MIPOL1: variants seen among roughly 807,000 people sequenced by gnomAD.
MIPOL1 encodes the protein mirror-image polydactyly gene 1 protein.
In MIPOL1, 57 loss-of-function variants were observed where a neutral mutation model predicts 60.9. That is an observed-to-expected ratio of 0.94 (90% CI 0.76 to 1.17). The LOEUF (loss-of-function observed/expected upper bound fraction) is 1.17. Ranked by LOEUF, MIPOL1 falls within the 50% of genes most tolerant of loss-of-function variation. MIPOL1 has a pLI of 0.00. For missense variants in MIPOL1, 551 were observed against 511.6 expected (o/e 1.08, Z -0.74); for synonymous variants, 179 against 168.8 (o/e 1.06, Z -0.47).
rs113424141 is a variant in MIPOL1 at position 37,224,982 on chromosome 14, C to G, written c.-198-22121C>G. On this transcript the variant is annotated intron_variant, in intron 1 of 12. Coordinates refer to ENST00000684589, the MANE Select transcript of MIPOL1 (RefSeq NM_001388067.1). ...AAACAAAGGAGCTACAGGCCCCATG[C>G]AAGCCCAAAATCCAGTGGGGCAGTC... Among the ~76,000 whole-genome samples the G allele has an allele frequency of 5.8e-4, 89 of 152,300 alleles. 1 individual carries two copies. Among genetic ancestry groups the G allele is most frequent in the African/African-American group, 2.1e-3 (87 of 41,554 alleles).
At chr14:37,221,485 T>G (rs145821304) in intron 1 of MIPOL1, among the ~76,000 whole-genome samples, 1 of 152,220 alleles carries the variant, frequency 6.6e-6, no homozygotes, top group East Asian at 1.9e-4. Context: ...GACTGGATAA[T>G]TTATGAAGAA....
intron 11 of MIPOL1, among the ~76,000 whole-genome samples, chr14:37,498,348 A>C (rs189321030): frequency 4.4e-4 from 67 of 152,332 alleles, no homozygotes; most frequent in Admixed American, 2.6e-3. Flanking sequence ...TAATGTTTTA[A>C]ATATAAAGAA....
chr14:37,506,123 C>T (rs924570922), intron 12 of MIPOL1: 2 of 152,200 alleles, frequency 1.3e-5, no homozygotes, highest in East Asian at 1.9e-4. Flanking sequence ...AATAGAAGTA[C>T]ATTCCATGCT....
In MIPOL1 at chr14:37,546,945, AC is replaced by A; in HGVS notation, c.1305del (p.Thr437ProfsTer2). The A allele has an allele frequency of 6.2e-7, 1 of 1,612,180 alleles. No homozygotes were observed. Among genetic ancestry groups the A allele is most frequent in the Admixed American group, 1.7e-5 (1 of 59,878 alleles). On this transcript the variant is annotated frameshift_variant, in exon 13 of 13. Transcript: ENST00000684589. LOFTEE classifies it high-confidence loss of function. Reference protein sequence around the residue: ...LVDVLRKKVGTGTMRTVI With the variant: ...LVDVLRKKVGXGTMRTVI ...GGATGTACTGAGGAAGAAGGTTGGA[AC>A]CGGGACCATGAGGACAGTGATCTGA...
chr14:37,369,373 A>G (rs2092573483), intron 9 of MIPOL1, 144 bp from the exon 10 acceptor site: 2 of 451,346 alleles, frequency 4.4e-6, no homozygotes, highest in East Asian at 3.3e-5. Flanking sequence ...TGTATTTAAC[A>G]TTACTTTTAC....
At chr14:37,470,294 G>C (rs1330543103) in intron 11 of MIPOL1, among the ~76,000 whole-genome samples, 1 of 152,046 alleles carries the variant, frequency 6.6e-6, no homozygotes, top group African/African-American at 2.4e-5. Context: ...TAGTTATATA[G>C]ATGATCAAGT....
intron 5 of MIPOL1, among the ~76,000 whole-genome samples, chr14:37,269,930 C>A (rs935301218): frequency 2.0e-5 from 3 of 152,052 alleles, no homozygotes; most frequent in Non-Finnish European, 2.9e-5. Flanking sequence ...TGGGTTCAAG[C>A]AATTCTCCTG....
At chr14:37,479,185 A>G (rs2094823354) in intron 11 of MIPOL1, among the ~76,000 whole-genome samples, 1 of 152,176 alleles carries the variant, frequency 6.6e-6, no homozygotes, top group African/African-American at 2.4e-5. Flanking sequence ...ACAACACTTT[A>G]GCCCAAATGG....
intron 11 of MIPOL1, among the ~76,000 whole-genome samples, chr14:37,480,126 C>T (rs2094840280): frequency 6.6e-6 from 1 of 151,968 alleles, no homozygotes. Context: ...AGAACTAATC[C>T]TTCTCTAATC....
Position 37,247,175 on chromosome 14 carries a change from A to G in MIPOL1, c.-126A>G, listed in dbSNP as rs1462492159. ...AATCAACATATTTAGAGAAAATTGGAAAAGGAGAAGCTTACTACAGCTTTA... is the reference window on the plus strand; with the variant it reads ...AATCAACATATTTAGAGAAAATTGGGAAAGGAGAAGCTTACTACAGCTTTA... On this transcript the variant is annotated 5_prime_UTR_variant, in exon 2 of 13. Transcript: ENST00000684589. 6.6e-6 allele frequency: 1 copy of G among 152,638 alleles called. No homozygotes were observed. Among genetic ancestry groups the G allele is most frequent in the African/African-American group, 2.4e-5 (1 of 41,568 alleles). 9.5% of individuals were successfully genotyped at this position (152,638 alleles called of 1,614,324 possible). A position where few individuals can be genotyped will look rare whatever the true frequency, so the allele number is the denominator to read the frequency against.
chr14:37,204,073 C>T (rs765142003), intron 1 of MIPOL1, among the ~76,000 whole-genome samples: 10 of 151,980 alleles, frequency 6.6e-5, no homozygotes, highest in South Asian at 2.1e-4. Flanking sequence ...TGAGCCACTG[C>T]GCCCAGCCCC....
chr14:37,336,446 A>G (rs1044452767), intron 9 of MIPOL1, among the ~76,000 whole-genome samples: 3 of 150,426 alleles, frequency 2.0e-5, no homozygotes, highest in Admixed American at 6.6e-5. Flanking sequence ...TTTTCCAGCT[A>G]TGTCTATTCC....
chr14:37,424,587 CCA>C (rs1440682160), intron 11 of MIPOL1, among the ~76,000 whole-genome samples: 1 of 152,146 alleles, frequency 6.6e-6, no homozygotes, highest in Non-Finnish European at 1.5e-5. Flanking sequence ...TTGTTTTAAG[CCA>C]CACAGTTTGT....
chr14:37,416,299 G>A (rs1219734903), intron 10 of MIPOL1, among the ~76,000 whole-genome samples: 1 of 152,108 alleles, frequency 6.6e-6, no homozygotes, highest in African/African-American at 2.4e-5. Context: ...AGATTCTTGA[G>A]GAATATGACA....
chr14:37,233,807 C>T (rs1311338258), intron 1 of MIPOL1, among the ~76,000 whole-genome samples: 1 of 152,176 alleles, frequency 6.6e-6, no homozygotes, highest in East Asian at 1.9e-4. Flanking sequence ...TCTCAAAACA[C>T]TTTCATAATA....
At chr14:37,460,088 A>G (rs1048036208) in intron 11 of MIPOL1, among the ~76,000 whole-genome samples, 5 of 15,776 alleles carry the variant, frequency 3.2e-4, no homozygotes, top group Admixed American at 7.9e-4. Context: ...AAATAATAGT[A>G]AAATAATAAT....
chr14:37,438,143 C>G (rs540272020), intron 11 of MIPOL1, among the ~76,000 whole-genome samples: 25 of 152,216 alleles, frequency 1.6e-4, no homozygotes, highest in Non-Finnish European at 2.8e-4. Context: ...CACACAGCAA[C>G]ATTTTAGTGT....
chr14:37,294,165 C>G (rs879686112), intron 7 of MIPOL1, among the ~76,000 whole-genome samples: 2 of 152,192 alleles, frequency 1.3e-5, no homozygotes, highest in African/African-American at 2.4e-5. Flanking sequence ...ATCTGCTGTT[C>G]TGCAGCCACC....
At chr14:37,429,736 G>A (rs1281165745) in intron 11 of MIPOL1, among the ~76,000 whole-genome samples, 1 of 151,986 alleles carries the variant, frequency 6.6e-6, no homozygotes. Flanking sequence ...ATTTTATTCA[G>A]TATAGGTCCT....
Sources: gnomAD v4.1 joint callset for allele counts (sites outside exome capture counted in the v4.1 genomes callset) on GRCh38, gnomAD v4.1.1 for gene constraint, MANE v1.5 for transcripts, NCBI Gene and HGNC (gene_info 2026-07-23, HGNC 2026-07-21) for gene names.